Variants in AP4E1 observed in about 807,000 individuals in gnomAD.
AP4E1 encodes the protein adaptor related protein complex 4 subunit epsilon 1.
In AP4E1, 56 loss-of-function variants were observed where a neutral mutation model predicts 128.2. That is an observed-to-expected ratio of 0.44 (90% CI 0.35 to 0.55). The LOEUF (loss-of-function observed/expected upper bound fraction) is 0.55. AP4E1 is among the 20% of genes least tolerant of loss of function. The pLI, the probability that AP4E1 is intolerant of heterozygous loss-of-function variation, is 0.00. For missense variants in AP4E1, 1,324 were observed against 1,307.7 expected (o/e 1.01, Z -0.19); for synonymous variants, 484 against 473.1 (o/e 1.02, Z -0.30).
At chr15:50,915,646 G>C in intron 3 of AP4E1, 75 bp downstream of exon 3, 1 of 1,485,126 alleles carries the variant, frequency 6.7e-7, no homozygotes, top group East Asian at 2.3e-5. Flanking sequence ...AATGAATGAT[G>C]GCATGTATAT....
chr15:50,925,928 G>A (rs749588040), intron 5 of AP4E1, among the ~76,000 whole-genome samples: 2 of 151,122 alleles, frequency 1.3e-5, no homozygotes. Flanking sequence ...CCCGGCCCGG[G>A]AAGATGCTTT....
intron 17 of AP4E1, among the ~76,000 whole-genome samples, chr15:50,996,793 T>A (rs1276221899): frequency 6.6e-6 from 1 of 152,224 alleles, no homozygotes; most frequent in Non-Finnish European, 1.5e-5. Context: ...AGTTATTGAG[T>A]TCTTTCCTGC....
At chr15:50,980,499 A>G (rs1457310578) in intron 15 of AP4E1, among the ~76,000 whole-genome samples, 13 of 152,218 alleles carry the variant, frequency 8.5e-5, no homozygotes, top group Admixed American at 6.5e-4. Context: ...CAGCCTGGCC[A>G]TGTGAAGAAT....
intron 16 of AP4E1, among the ~76,000 whole-genome samples, chr15:50,985,191 T>C (rs1037125652): frequency 1.3e-5 from 2 of 152,234 alleles, no homozygotes; most frequent in East Asian, 1.9e-4. Context: ...TTGAGTTCTT[T>C]GTAGATTCTG....
At chr15:51,001,935 G>A (rs1008913149) in intron 20 of AP4E1, among the ~76,000 whole-genome samples, 11 of 152,080 alleles carry the variant, frequency 7.2e-5, no homozygotes, top group African/African-American at 2.2e-4. Context: ...CTGGAGTACA[G>A]TGGTGCGATC....
Position 50,912,150 on chromosome 15 carries a change from G to T in AP4E1, c.222+1G>T. Reference sequence around the variant, plus strand: ...TGTTTCTGCTCCTACTACAACACTGGTAGGTTTGCATAGTCAGTGCCAACA... The same window carrying T: ...TGTTTCTGCTCCTACTACAACACTGTTAGGTTTGCATAGTCAGTGCCAACA... On this transcript the variant is annotated splice_donor_variant, in intron 2 of 20. Transcript: ENST00000261842. LOFTEE classifies it high-confidence loss of function. The T allele has an allele frequency of 6.2e-7, 1 of 1,613,540 alleles. No homozygotes were observed. The highest frequency in any genetic ancestry group is 8.5e-7 in the Non-Finnish European group (1 of 1,179,744).
chr15:50,980,021 T>C (rs2140909724), intron 15 of AP4E1, among the ~76,000 whole-genome samples: 1 of 152,226 alleles, frequency 6.6e-6, no homozygotes, highest in African/African-American at 2.4e-5. Context: ...GTAAACATAA[T>C]ATTAAGGGCA....
At chr15:50,999,821 T>G (rs572577851) in intron 19 of AP4E1, among the ~76,000 whole-genome samples, 1 of 152,014 alleles carries the variant, frequency 6.6e-6, no homozygotes, top group East Asian at 1.9e-4. Context: ...CATTTGGCAG[T>G]AGGTATATCT....
Position 51,003,277 on chromosome 15 carries a change from T to A in AP4E1, c.*615T>A, listed in dbSNP as rs1007270548. 1 of 152,706 alleles carries A rather than the reference T, an allele frequency of 6.5e-6. No homozygotes were observed. Among genetic ancestry groups the A allele is most frequent in the Non-Finnish European group, 1.5e-5 (1 of 68,074 alleles). 9.5% of individuals were successfully genotyped at this position (152,706 alleles called of 1,614,324 possible). On this transcript the variant is annotated 3_prime_UTR_variant, in exon 21 of 21. Coordinates refer to ENST00000261842, the MANE Select transcript of AP4E1 (RefSeq NM_007347.5). ...TTATAGATAACTGTTACACATAATTTCAGATCGTTTGGCTGTAAAATTTGT... is the reference window on the plus strand; with the variant it reads ...TTATAGATAACTGTTACACATAATTACAGATCGTTTGGCTGTAAAATTTGT...
chr15:50,952,126 T>G (rs1325475556), intron 13 of AP4E1, among the ~76,000 whole-genome samples: 1 of 152,214 alleles, frequency 6.6e-6, no homozygotes, highest in Non-Finnish European at 1.5e-5. Context: ...CTGTTTAGAA[T>G]TGAATTGCAG....
intron 15 of AP4E1, among the ~76,000 whole-genome samples, chr15:50,973,474 C>T (rs1596495931): frequency 6.6e-6 from 1 of 152,052 alleles, no homozygotes; most frequent in Non-Finnish European, 1.5e-5. Context: ...GTGTATAATA[C>T]GTTATGATTG....
At chr15:50,990,273 G>A (rs2064785825) in intron 16 of AP4E1, among the ~76,000 whole-genome samples, 1 of 150,540 alleles carries the variant, frequency 6.6e-6, no homozygotes, top group Non-Finnish European at 1.5e-5. Context: ...TAATTAAGAA[G>A]CATATTTTTT....
At chr15:50,994,087 G>GA (rs2064840221) in intron 17 of AP4E1, among the ~76,000 whole-genome samples, 1 of 152,006 alleles carries the variant, frequency 6.6e-6, no homozygotes, top group Non-Finnish European at 1.5e-5. Flanking sequence ...TTTGTAAAAT[G>GA]AAAAAATACT....
chr15:50,909,887 G>A (rs1171358821), intron 1 of AP4E1, among the ~76,000 whole-genome samples: 4 of 152,210 alleles, frequency 2.6e-5, no homozygotes, highest in African/African-American at 9.6e-5. Context: ...GGGTTTCACC[G>A]TGTTAGCGAG....
At chr15:50,970,895 A>G (rs1232869725) in intron 15 of AP4E1, among the ~76,000 whole-genome samples, 1 of 151,880 alleles carries the variant, frequency 6.6e-6, no homozygotes, top group South Asian at 2.1e-4. Context: ...ATTTGCTGCT[A>G]TCATTTTATT....
At chr15:50,934,491 C>T in intron 7 of AP4E1, 133 bp from the exon 8 acceptor site, 1 of 646,484 alleles carries the variant, frequency 1.5e-6, no homozygotes, top group East Asian at 2.9e-5. Context: ...GTGAAATTTC[C>T]ATAACTTCAT....
intron 8 of AP4E1, among the ~76,000 whole-genome samples, chr15:50,939,396 C>G (rs1484312409): frequency 6.6e-6 from 1 of 151,344 alleles, no homozygotes. Context: ...TCACTTGAAC[C>G]TGGGGGGTGG....
chr15:50,924,160 G>A (rs549674565), intron 4 of AP4E1, among the ~76,000 whole-genome samples, 156 bp downstream of exon 4: 2 of 152,240 alleles, frequency 1.3e-5, no homozygotes, highest in South Asian at 2.1e-4. Flanking sequence ...TCTATAAAAT[G>A]GAGTTAAATA....
rs1173794562 is a variant in AP4E1, at chr15:50,997,721, A to G, written c.2742A>G (p.Ile914Met). 6.2e-7 allele frequency: 1 copy of G among 1,614,004 alleles called. No homozygotes were observed. Among genetic ancestry groups the G allele is most frequent in the African/African-American group, 1.3e-5 (1 of 75,060 alleles). Residue 914 changes from isoleucine (I) to methionine (M), a missense_variant, in exon 18 of 21, where the codon ATA becomes ATG. By Grantham distance (10) the Ile-to-Met change is conservative. Coordinates refer to ENST00000261842, the MANE Select transcript of AP4E1 (RefSeq NM_007347.5). ...SSFLEETTEY[I>M]HSNAMEVCNN... ...TTTTGGAAGAAACTACTGAATACAT[A>G]CACTCAAATGCTATGGAAGTCTGTA...
Sources: allele counts gnomAD v4.1 joint callset (sites outside exome capture counted in the v4.1 genomes callset), GRCh38; gene constraint gnomAD v4.1.1; transcripts MANE v1.5; gene names NCBI Gene and HGNC (gene_info 2026-07-23, HGNC 2026-07-21).